The following MSN variants were observed in gnomAD, a reference collection of about 807,000 sequenced individuals.
The protein encoded by MSN is moesin.
In MSN, 2 loss-of-function variants were observed where a neutral mutation model predicts 48.0. The ratio of observed to expected loss-of-function variants is 0.04; its 90% CI spans 0.02 to 0.13. The LOEUF (loss-of-function observed/expected upper bound fraction) is 0.13. MSN is among the 10% of genes least tolerant of loss of function. MSN has a pLI of 1.00. For missense variants in MSN, 267 were observed against 470.1 expected, an observed-to-expected ratio of 0.57 and a Z score of 3.99; for synonymous variants, 146 against 166.9, an observed-to-expected ratio of 0.87 and a Z score of 0.97.
chrX:65,649,212 G>C lies in MSN; in HGVS notation c.-22+60600G>C, dbSNP rs1399256460. On this transcript the variant is annotated intron_variant, in intron 1 of 3. Transcript: ENST00000609672. Reference sequence around the variant, plus strand: ...CCAATGTGTACAACCTTGTGTGTGAGGGAGAAGTGCTGGTAGGTGGTAGCT... The same window carrying C: ...CCAATGTGTACAACCTTGTGTGTGACGGAGAAGTGCTGGTAGGTGGTAGCT... 3.7e-5 allele frequency among the ~76,000 whole-genome samples: 4 copies of C among 106,879 alleles called. No homozygotes were observed. In the East Asian group the frequency reaches 1.2e-3, roughly 31 times the overall value. 92.8% of individuals were successfully genotyped at this position (106,879 alleles called of 115,157 possible). A position where few individuals can be genotyped will look rare whatever the true frequency, so the allele number is the denominator to read the frequency against.
chrX:65,657,529 T>G (rs1025686406), intron 1 of MSN, among the ~76,000 whole-genome samples: 11 of 111,513 alleles, frequency 9.9e-5, no homozygotes, highest in Admixed American at 2.9e-4. Context: ...GATAGTGACT[T>G]AAATTAAATT....
chrX:65,712,279 C>T (rs1194567297), intron 1 of MSN, among the ~76,000 whole-genome samples: 2 of 111,402 alleles, frequency 1.8e-5, no homozygotes, highest in Non-Finnish European at 3.8e-5. Flanking sequence ...AAATAGATTT[C>T]CTCCTTGGCT....
At chrX:65,675,276 G>C (rs1490389555) in intron 1 of MSN, among the ~76,000 whole-genome samples, 1 of 111,748 alleles carries the variant, frequency 8.9e-6, no homozygotes, top group Non-Finnish European at 1.9e-5. Context: ...AAAACGGCTT[G>C]AGAAAAATAT....
At chrX:65,650,417 G>C (rs1188306858) in intron 1 of MSN, among the ~76,000 whole-genome samples, 1 of 112,266 alleles carries the variant, frequency 8.9e-6, no homozygotes, top group Non-Finnish European at 1.9e-5. Flanking sequence ...AGAAATAAAA[G>C]ATGTATGTGT....
chrX:65,721,612 A>G (rs1368719393), intron 2 of MSN, among the ~76,000 whole-genome samples: 1 of 111,228 alleles, frequency 9.0e-6, no homozygotes, highest in Non-Finnish European at 1.9e-5. Context: ...GAGGATCTCC[A>G]TCTTACAGAT....
chrX:65,620,432 C>G (rs754402569), intron 1 of MSN, among the ~76,000 whole-genome samples: 1 of 113,738 alleles, frequency 8.8e-6, no homozygotes, highest in Non-Finnish European at 1.9e-5. Flanking sequence ...CCAAGCCCGT[C>G]GGAAAAGCGC....
chrX:65,680,094 G>A (rs1371430500), intron 1 of MSN, among the ~76,000 whole-genome samples: 3 of 112,023 alleles, frequency 2.7e-5, no homozygotes, highest in Admixed American at 1.9e-4. Context: ...ATGGCTGTTG[G>A]TTTGGGAAGG....
chrX:65,603,531 A>G (rs1003506468), intron 1 of MSN, among the ~76,000 whole-genome samples: 7 of 111,617 alleles, frequency 6.3e-5, no homozygotes, highest in South Asian at 3.7e-4. Flanking sequence ...TCTGACCTCA[A>G]GCAGCTGAGC....
At chrX:65,610,717 T>C (rs1055864062) in intron 1 of MSN, among the ~76,000 whole-genome samples, 1 of 112,476 alleles carries the variant, frequency 8.9e-6, no homozygotes, top group Non-Finnish European at 1.9e-5. Flanking sequence ...TTTGCATTAT[T>C]ACTAACAATG....
chrX:65,644,918 T>C (rs2070683927), intron 1 of MSN, among the ~76,000 whole-genome samples: 1 of 112,676 alleles, frequency 8.9e-6, no homozygotes, highest in Non-Finnish European at 1.9e-5. Context: ...TGAAGGGATT[T>C]AAATAGCCAC....
At chrX:65,677,621 G>A (rs765307959) in intron 1 of MSN, among the ~76,000 whole-genome samples, 5 of 110,583 alleles carry the variant, frequency 4.5e-5, no homozygotes, top group African/African-American at 9.9e-5. Context: ...AGCCGGGCGT[G>A]TTGGCGGGAG....
chrX:65,722,404 CGTGTGT>C lies in MSN; in HGVS notation c.97-5377_97-5372del, dbSNP rs55900091. On this transcript the variant is annotated intron_variant, in intron 2 of 12. Transcript: ENST00000360270. ...TCATTCTCCTCTAGGCGTGCACGCT[CGTGTGT>C]GTGTGTGTGTGTGTGTGTGTGTGTG... is the stretch of plus-strand genomic sequence containing the variant. Among the ~76,000 whole-genome samples, 301 of 94,694 alleles carry C rather than the reference CGTGTGT, an allele frequency of 3.2e-3. 3 individuals carry two copies. Among genetic ancestry groups the C allele is most frequent in the African/African-American group, 9.2e-3 (218 of 23,762 alleles). The allele number at this position is 94,694 out of a possible 115,157, so 82.2% of individuals were successfully genotyped here. A position where few individuals can be genotyped will look rare whatever the true frequency, so the allele number is the denominator to read the frequency against.
intron 12 of MSN, 54 bp downstream of exon 12, chrX:65,739,248 C>A: frequency 9.4e-7 from 1 of 1,067,541 alleles, no homozygotes; most frequent in South Asian, 2.0e-5. Context: ...TTTAGTAGCC[C>A]ATGGCATTCC....
rs28384384 is a variant in MSN, at chrX:65,667,755, C to T, written c.-87C>T. 160 of 1,185,032 alleles carry T rather than the reference C, an allele frequency of 1.4e-4. No individual in the cohort carries two copies. In the East Asian group the frequency reaches 4.8e-3, roughly 35 times the overall value. ...GGACCCAATCTGAGTCCCCGGCCAG[C>T]CGAATCCAAGCCGTGTGTACTGCGT... is the stretch of plus-strand genomic sequence containing the variant. On this transcript the variant is annotated 5_prime_UTR_variant, in exon 1 of 13. Transcript: ENST00000360270.
chrX:65,657,052 T>G (rs1811721580), intron 1 of MSN, among the ~76,000 whole-genome samples: 1 of 111,770 alleles, frequency 8.9e-6, no homozygotes, highest in Non-Finnish European at 1.9e-5. Flanking sequence ...GAGGAGCCTG[T>G]TCCAACAGTT....
intron 1 of MSN, among the ~76,000 whole-genome samples, chrX:65,650,333 C>A (rs1340402003): frequency 8.9e-6 from 1 of 112,034 alleles, no homozygotes; most frequent in African/African-American, 3.2e-5. Context: ...AGTGATCCAC[C>A]CCCCTTGGCC....
intron 1 of MSN, among the ~76,000 whole-genome samples, chrX:65,603,576 A>G (rs2070255205): frequency 8.9e-6 from 1 of 111,841 alleles, no homozygotes; most frequent in Admixed American, 9.5e-5. Flanking sequence ...AAGGAATTTA[A>G]TTTCTAATAA....
chrX:65,652,176 T>C (rs745506615), intron 1 of MSN, among the ~76,000 whole-genome samples: 13 of 110,379 alleles, frequency 1.2e-4, no homozygotes, highest in Admixed American at 1.9e-4. Context: ...TCCAGCCCCC[T>C]GGAAGATGGG....
At chrX:65,615,995 T>C (rs1362413825) in intron 1 of MSN, among the ~76,000 whole-genome samples, 1 of 111,353 alleles carries the variant, frequency 9.0e-6, no homozygotes, top group Non-Finnish European at 1.9e-5. Context: ...TTGTCAGGTT[T>C]GTCAAAGATC....
Sources: allele counts gnomAD v4.1 joint callset (sites outside exome capture counted in the v4.1 genomes callset), GRCh38; gene constraint gnomAD v4.1.1; transcripts MANE v1.5; gene names NCBI Gene and HGNC (gene_info 2026-07-23, HGNC 2026-07-21).